The following FBXO9 variants were observed in gnomAD, a reference collection of about 807,000 sequenced individuals.
FBXO9 encodes the protein F-box only protein 9.
Under a neutral mutation model 63.7 loss-of-function variants are expected in FBXO9, and 43 were observed. The ratio of observed to expected loss-of-function variants is 0.67; its 90% CI spans 0.53 to 0.87. The LOEUF (loss-of-function observed/expected upper bound fraction) is 0.87, where lower values mean the gene tolerates loss of function less well. Ranked by LOEUF, FBXO9 falls within the 40% of genes least tolerant of loss-of-function variation. The probability of loss-of-function intolerance (pLI) is 0.00; values close to 1 mark genes in which losing one functional copy is unlikely to be tolerated. For missense variants in FBXO9, 442 were observed against 533.2 expected, an observed-to-expected ratio of 0.83 and a Z score of 1.68; for synonymous variants, 156 against 171.7, an observed-to-expected ratio of 0.91 and a Z score of 0.72.
At chr6:53,070,858 T>C in intron 1 of FBXO9, 199 bp from the exon 2 acceptor site, 1 of 770,624 alleles carries the variant, frequency 1.3e-6, no homozygotes, top group Admixed American at 3.1e-5. Context: ...GAGTAGAGAA[T>C]ATGCTTTTCA....
chr6:53,079,576 C>T (rs1769239855), intron 5 of FBXO9, among the ~76,000 whole-genome samples: 1 of 152,034 alleles, frequency 6.6e-6, no homozygotes, highest in South Asian at 2.1e-4. Context: ...AATACTTTTG[C>T]AAGACAATTA....
chr6:53,092,611 G>A (rs902281492), intron 8 of FBXO9, 64 bp downstream of exon 8: 58 of 1,487,048 alleles, frequency 3.9e-5, no homozygotes, highest in Non-Finnish European at 5.0e-5. Context: ...TTATAAATAC[G>A]CCGTTTAAAT....
chr6:53,066,959 A>G (rs894998591), intron 1 of FBXO9, among the ~76,000 whole-genome samples: 1 of 152,256 alleles, frequency 6.6e-6, no homozygotes, highest in Non-Finnish European at 1.5e-5. Flanking sequence ...CAAAGTAAGA[A>G]TGGTTTAGAG....
At chr6:53,092,365 C>A (rs1027010210) in intron 7 of FBXO9, 64 bp from the exon 8 acceptor site, 1 of 1,230,452 alleles carries the variant, frequency 8.1e-7, no homozygotes, top group Non-Finnish European at 1.2e-6. Flanking sequence ...TGGCTGATAG[C>A]AAAAATATTT....
rs987413860 is a variant in FBXO9 at position 53,074,368 on chromosome 6, C to T, written c.249+729C>T. On this transcript the variant is annotated intron_variant, in intron 3 of 12. Coordinates refer to ENST00000323557, the MANE Select transcript of FBXO9 (RefSeq NM_033480.3). ...TTATTTTGAAATAATTACAGGTCCA[C>T]AGGTATAGGGAAGTCCTGTGTGCCC... Among the ~76,000 whole-genome samples, 23 of 152,206 alleles carry T rather than the reference C, an allele frequency of 1.5e-4. 1 individual carries two copies. The highest frequency in any genetic ancestry group is 1.3e-3 in the Admixed American group (20 of 15,290).
At chr6:53,081,240 C>CAT in intron 6 of FBXO9, 142 bp downstream of exon 6, 1 of 828,992 alleles carries the variant, frequency 1.2e-6, no homozygotes, top group African/African-American at 1.7e-5. Flanking sequence ...TTATCATTTG[C>CAT]ATATACTATT....
chr6:53,093,741 C>A, intron 10 of FBXO9, 144 bp from the exon 11 acceptor site: 2 of 838,736 alleles, frequency 2.4e-6, no homozygotes, highest in Non-Finnish European at 3.7e-6. Flanking sequence ...TTCAGCAGGT[C>A]TTTGGAGCCT....
rs374719446 is a variant in FBXO9 at position 53,093,869 on chromosome 6, G to GTTT, written c.960-6_960-4dup. On this transcript the variant is annotated splice_polypyrimidine_tract_variant and intron_variant, in intron 10 of 12. Transcript: ENST00000323557. ...TTAATAACTGATTTAGATTCAATTT[G>GTTT]TTTTTTTTTTTTAAGGACTGATGCA... 8.7e-5 allele frequency: 115 copies of GTTT among 1,316,062 alleles called. No individual in the cohort carries two copies. The highest frequency in any genetic ancestry group is 2.8e-4 in the Admixed American group (11 of 39,472). 81.5% of individuals were successfully genotyped at this position (1,316,062 alleles called of 1,614,324 possible).
Position 53,076,894 on chromosome 6 carries a change from TG to T in FBXO9, c.307+352del, listed in dbSNP as rs138342029. Among the ~76,000 whole-genome samples the T allele has an allele frequency of 1.1e-3, 167 of 152,214 alleles. 3 individuals are homozygous for T. Among genetic ancestry groups the T allele is most frequent in the African/African-American group, 4.0e-3 (165 of 41,542 alleles). On this transcript the variant is annotated intron_variant, in intron 4 of 12. Transcript: ENST00000323557. Reference sequence around the variant, plus strand: ...ACAGAGGGCCAGCTATATTTGAAATTGTTTTTTAAAAAATAAAAAATAGAAA... The same window carrying T: ...ACAGAGGGCCAGCTATATTTGAAATTTTTTTTAAAAAATAAAAAATAGAAA...
At chr6:53,085,202 C>T (rs1373081439) in intron 7 of FBXO9, among the ~76,000 whole-genome samples, 1 of 152,138 alleles carries the variant, frequency 6.6e-6, no homozygotes, top group Non-Finnish European at 1.5e-5. Context: ...TCATTTACAT[C>T]AATTTTATGT....
chr6:53,088,999 G>A (rs1762970493), intron 7 of FBXO9, among the ~76,000 whole-genome samples: 1 of 150,232 alleles, frequency 6.7e-6, no homozygotes, highest in Non-Finnish European at 1.5e-5. Flanking sequence ...TCGGCTCACT[G>A]CAAGCTCCGC....
intron 3 of FBXO9, among the ~76,000 whole-genome samples, chr6:53,074,458 A>G (rs1213325351): frequency 2.6e-5 from 4 of 152,366 alleles, no homozygotes; most frequent in African/African-American, 4.8e-5. Flanking sequence ...GAGGAAATAG[A>G]CATTGGAACA....
At chr6:53,096,947 A>T (rs948711450) in intron 12 of FBXO9, among the ~76,000 whole-genome samples, 1 of 152,320 alleles carries the variant, frequency 6.6e-6, no homozygotes, top group African/African-American at 2.4e-5. Context: ...AGAGCCAAGC[A>T]AATGAACAAT....
chr6:53,092,087 C>T, intron 7 of FBXO9: 1 of 220,072 alleles, frequency 4.5e-6, no homozygotes, highest in Non-Finnish European at 9.1e-6. Flanking sequence ...TGCACATGCT[C>T]TGGTTGCTGC....
chr6:53,065,763 T>C lies in FBXO9; in HGVS notation c.-27T>C. On this transcript the variant is annotated 5_prime_UTR_variant, in exon 1 of 13. Coordinates refer to ENST00000323557, the MANE Select transcript of FBXO9 (RefSeq NM_033480.3). The stretch of plus-strand genomic sequence containing the variant: ...GTGCAGAGGGGGCACGGAGAGCCCC[T>C]CGAGCGCAGCAGGCCGCCCCGCCAG... The C allele has an allele frequency of 7.1e-7, 1 of 1,402,418 alleles. No homozygotes were observed. The allele number at this position is 1,402,418 out of a possible 1,614,324, so 86.9% of individuals were successfully genotyped here.
chr6:53,087,291 G>A (rs1385536858), intron 7 of FBXO9, among the ~76,000 whole-genome samples: 3 of 145,238 alleles, frequency 2.1e-5, no homozygotes, highest in South Asian at 2.2e-4. Context: ...ATAATAAACC[G>A]TGATCATGCC....
In FBXO9 at chr6:53,093,566, C is replaced by A; in HGVS notation, c.959+5C>A. The A allele has an allele frequency of 6.2e-7, 1 of 1,608,158 alleles. No homozygotes were observed. The highest frequency in any genetic ancestry group is 8.5e-7 in the Non-Finnish European group (1 of 1,175,748). ...TTTAAGAACTAGGAATACCAGGTAG[C>A]ATTTGTTTTTTAAATGGCTTTCCAT... is the stretch of plus-strand genomic sequence containing the variant. On this transcript the variant is annotated splice_donor_5th_base_variant and intron_variant, in intron 10 of 12. Coordinates refer to ENST00000323557, the MANE Select transcript of FBXO9 (RefSeq NM_033480.3).
At chr6:53,072,157 A>G (rs1768937967) in intron 2 of FBXO9, among the ~76,000 whole-genome samples, 1 of 152,188 alleles carries the variant, frequency 6.6e-6, no homozygotes, top group South Asian at 2.1e-4. Flanking sequence ...AAAGCGTAGC[A>G]ACAAAGCAGT....
At chr6:53,068,513 C>T (rs1768789796) in intron 1 of FBXO9, among the ~76,000 whole-genome samples, 1 of 152,122 alleles carries the variant, frequency 6.6e-6, no homozygotes, top group Middle Eastern at 3.4e-3. Context: ...TTTACAAAAG[C>T]ATTTACTATT....
Sources: allele counts gnomAD v4.1 joint callset (sites outside exome capture counted in the v4.1 genomes callset), GRCh38; gene constraint gnomAD v4.1.1; transcripts MANE v1.5; gene names NCBI Gene and HGNC (gene_info 2026-07-23, HGNC 2026-07-21).